The following SLC8A1 variants were observed in gnomAD, a reference collection of about 807,000 sequenced individuals.
The protein encoded by SLC8A1 is solute carrier family 8 member A1, also known as sodium/calcium exchanger 1.
In SLC8A1, 18 loss-of-function variants were observed where a neutral mutation model predicts 68.3. The ratio of observed to expected loss-of-function variants is 0.26; its 90% CI spans 0.18 to 0.39. The LOEUF (loss-of-function observed/expected upper bound fraction) is 0.39, where lower values mean the gene tolerates loss of function less well. Among genes scored for constraint, SLC8A1 ranks in the 10% least tolerant of loss-of-function variants. The pLI is 1.00. For missense variants in SLC8A1, 985 were observed against 1,156.7 expected, an observed-to-expected ratio of 0.85 and a Z score of 2.15; for synonymous variants, 475 against 415.5, an observed-to-expected ratio of 1.14 and a Z score of -1.74.
At chr2:40,480,676 G>A (rs948713293) in intron 1 of SLC8A1, among the ~76,000 whole-genome samples, 2 of 152,154 alleles carry the variant, frequency 1.3e-5, no homozygotes, top group African/African-American at 4.8e-5. Context: ...TTGTTGGAGT[G>A]GAAAGGACTC....
chr2:40,396,319 G>C (rs1219781089), intron 2 of SLC8A1, among the ~76,000 whole-genome samples: 1 of 152,074 alleles, frequency 6.6e-6, no homozygotes, highest in Non-Finnish European at 1.5e-5. Context: ...TTTTCCCATA[G>C]AAGTCAGGTG....
chr2:40,450,375 C>T (rs528140963), intron 1 of SLC8A1, among the ~76,000 whole-genome samples: 52 of 151,848 alleles, frequency 3.4e-4, no homozygotes, highest in African/African-American at 1.3e-3. Flanking sequence ...TGTGTGCACG[C>T]GCGCGCGCTG....
chr2:40,493,358 AG>A (rs1163274102), intron 1 of SLC8A1, among the ~76,000 whole-genome samples: 2 of 11,942 alleles, frequency 1.7e-4, no homozygotes, highest in African/African-American at 3.5e-4. Context: ...GGTGGGGGGG[AG>A]GGGGGAGGGA....
intron 1 of SLC8A1, among the ~76,000 whole-genome samples, chr2:40,493,916 C>CT (rs1158305207): frequency 2.0e-5 from 3 of 151,806 alleles, no homozygotes; most frequent in Non-Finnish European, 2.9e-5. Context: ...CTCCTCTCCT[C>CT]TTTTTTCCTT....
intron 2 of SLC8A1, among the ~76,000 whole-genome samples, chr2:40,289,275 C>A (rs1007289279): frequency 1.3e-5 from 2 of 151,796 alleles, no homozygotes; most frequent in Non-Finnish European, 2.9e-5. Context: ...TATTGTTAAA[C>A]TATTTGTAAT....
At chr2:40,173,375 T>A (rs937044957) in intron 4 of SLC8A1, among the ~76,000 whole-genome samples, 2 of 152,204 alleles carry the variant, frequency 1.3e-5, no homozygotes, top group African/African-American at 4.8e-5. Context: ...CCAGAAGAGC[T>A]TCAGATGAAT....
At chr2:40,178,222 A>C (rs1460251399) in intron 2 of SLC8A1, among the ~76,000 whole-genome samples, 165 bp downstream of exon 3, 1 of 152,180 alleles carries the variant, frequency 6.6e-6, no homozygotes, top group Non-Finnish European at 1.5e-5. Context: ...ACGCTGGCTG[A>C]TGTAGCTACA....
intron 2 of SLC8A1, among the ~76,000 whole-genome samples, chr2:40,394,624 C>T (rs1321976489): frequency 6.6e-6 from 1 of 152,024 alleles, no homozygotes; most frequent in African/African-American, 2.4e-5. Flanking sequence ...GTTTGTGAAC[C>T]TATTTCTGCT....
chr2:40,398,366 T>C (rs1559520625), intron 2 of SLC8A1, among the ~76,000 whole-genome samples: 1 of 152,188 alleles, frequency 6.6e-6, no homozygotes, highest in Admixed American at 6.5e-5. Flanking sequence ...TCACCATATG[T>C]CATGGTACTG....
chr2:40,243,613 C>T (rs900755442), intron 2 of SLC8A1, among the ~76,000 whole-genome samples: 6 of 152,166 alleles, frequency 3.9e-5, no homozygotes, highest in African/African-American at 1.4e-4. Context: ...TCAAATGGAG[C>T]CTATGGCCCT....
At chr2:40,383,147 T>C (rs1207575836) in intron 2 of SLC8A1, among the ~76,000 whole-genome samples, 1 of 152,110 alleles carries the variant, frequency 6.6e-6, no homozygotes, top group Non-Finnish European at 1.5e-5. Flanking sequence ...GTATTCAAAA[T>C]TGGCAAATTA....
intron 1 of SLC8A1, among the ~76,000 whole-genome samples, chr2:40,450,782 A>G (rs1702297946): frequency 6.6e-6 from 1 of 152,222 alleles, no homozygotes; most frequent in South Asian, 2.1e-4. Context: ...GGGGGCTTCA[A>G]AAGGATACCT....
At chr2:40,408,518 C>G (rs923482042) in intron 2 of SLC8A1, among the ~76,000 whole-genome samples, 3 of 152,102 alleles carry the variant, frequency 2.0e-5, no homozygotes, top group African/African-American at 7.2e-5. Flanking sequence ...ACACAAGGGA[C>G]ACAGTAAAAC....
At chr2:40,360,684 G>A (rs576477085) in intron 2 of SLC8A1, among the ~76,000 whole-genome samples, 1 of 152,272 alleles carries the variant, frequency 6.6e-6, no homozygotes, top group East Asian at 1.9e-4. Context: ...TCACATAGCT[G>A]TAAAGGCAAC....
At chr2:40,360,480 T>C (rs1373051333) in intron 2 of SLC8A1, among the ~76,000 whole-genome samples, 1 of 152,212 alleles carries the variant, frequency 6.6e-6, no homozygotes, top group African/African-American at 2.4e-5. Flanking sequence ...TCTACCTTAT[T>C]GAATAACAAG....
intron 2 of SLC8A1, among the ~76,000 whole-genome samples, chr2:40,312,126 AC>A (rs1360416305): frequency 1.3e-5 from 2 of 152,110 alleles, no homozygotes; most frequent in Non-Finnish European, 2.9e-5. Flanking sequence ...TGTATTTGAA[AC>A]AAGCAAGTCA....
intron 2 of SLC8A1, chr2:40,213,265 T>C (rs1024680817): frequency 3.8e-4 from 58 of 152,208 alleles, no homozygotes; most frequent in Admixed American, 3.0e-3. Flanking sequence ...ATTGAAGATG[T>C]TTATTTAGAG....
At chr2:40,240,522 G>C (rs552999457) in intron 2 of SLC8A1, among the ~76,000 whole-genome samples, 1 of 152,232 alleles carries the variant, frequency 6.6e-6, no homozygotes, top group South Asian at 2.1e-4. Context: ...AAAAATTCCT[G>C]CTATATCCAA....
At chr2:40,433,401 A>C (rs1402419366) in intron 1 of SLC8A1, among the ~76,000 whole-genome samples, 2 of 152,220 alleles carry the variant, frequency 1.3e-5, no homozygotes, top group African/African-American at 4.8e-5. Context: ...GCTGAACACC[A>C]AATTATAACC....
Sources: allele counts gnomAD v4.1 joint callset (sites outside exome capture counted in the v4.1 genomes callset), GRCh38; gene constraint gnomAD v4.1.1; transcripts MANE v1.5; gene names NCBI Gene and HGNC (gene_info 2026-07-23, HGNC 2026-07-21).